The following PRKN variants were observed in gnomAD, a reference collection of about 807,000 sequenced individuals.
PRKN encodes the protein parkin RBR E3 ubiquitin protein ligase, also known as E3 ubiquitin-protein ligase parkin.
PRKN carries 56 observed loss-of-function variants against 59.5 expected under a neutral mutation model. The ratio of observed to expected loss-of-function variants is 0.94; its 90% CI spans 0.76 to 1.18. The LOEUF (loss-of-function observed/expected upper bound fraction) is 1.18, where lower values mean the gene tolerates loss of function less well. PRKN is among the 50% of genes most tolerant of loss of function. The pLI is 0.00. For missense variants in PRKN, 657 were observed against 596.4 expected, an observed-to-expected ratio of 1.10 and a Z score of -1.06; for synonymous variants, 250 against 222.1, an observed-to-expected ratio of 1.13 and a Z score of -1.12.
chr6:162,338,665 G>A (rs1398973301), intron 2 of PRKN, among the ~76,000 whole-genome samples: 2 of 152,152 alleles, frequency 1.3e-5, no homozygotes, highest in East Asian at 2.0e-4. Flanking sequence ...GCCTCTGCCC[G>A]GCCGCCACCC....
intron 1 of PRKN, among the ~76,000 whole-genome samples, chr6:162,707,994 C>T (rs1778397292): frequency 1.3e-5 from 2 of 152,228 alleles, no homozygotes; most frequent in African/African-American, 4.8e-5. Context: ...GGATTACAGG[C>T]ATGAATCTGC....
At chr6:161,479,430 T>C (rs1185405325) in intron 9 of PRKN, among the ~76,000 whole-genome samples, 4 of 152,236 alleles carry the variant, frequency 2.6e-5, no homozygotes, top group Non-Finnish European at 5.9e-5. Flanking sequence ...CTTTTTCATT[T>C]TGCTTGAATG....
At chr6:162,005,839 G>A (rs1276294718) in intron 5 of PRKN, among the ~76,000 whole-genome samples, 1 of 152,088 alleles carries the variant, frequency 6.6e-6, no homozygotes, top group East Asian at 1.9e-4. Flanking sequence ...ATGGGAAGGA[G>A]AAAGGTTGTG....
chr6:161,977,549 T>G (rs76182997), intron 5 of PRKN, among the ~76,000 whole-genome samples: 1,166 of 110,338 alleles, frequency 0.011, 27 homozygotes, highest in African/African-American at 0.025. Context: ...TTGGTTTTTT[T>G]TTTTTTTTTT....
intron 6 of PRKN, among the ~76,000 whole-genome samples, chr6:161,868,587 AAAACAAAAC>A (rs56675844): frequency 0.022 from 3,371 of 152,210 alleles, 130 homozygotes; most frequent in African/African-American, 0.076. Context: ...TCTCTAAAAC[AAAACAAAAC>A]AAACAAAAGG....
chr6:161,680,048 C>A (rs1372348702), intron 7 of PRKN, among the ~76,000 whole-genome samples: 1 of 152,076 alleles, frequency 6.6e-6, no homozygotes, highest in Non-Finnish European at 1.5e-5. Flanking sequence ...GCCACCGTGC[C>A]CTGGCCAGAG....
chr6:162,200,188 C>G (rs529442247), intron 4 of PRKN, among the ~76,000 whole-genome samples: 154 of 152,264 alleles, frequency 1.0e-3, no homozygotes, highest in African/African-American at 3.5e-3. Flanking sequence ...TCCTTGACAC[C>G]CCCGTGTCTG....
intron 4 of PRKN, among the ~76,000 whole-genome samples, chr6:162,132,825 G>C (rs542424419): frequency 5.3e-5 from 8 of 152,188 alleles, no homozygotes; most frequent in Non-Finnish European, 1.0e-4. Context: ...TAAGAGGGTG[G>C]GCAGAGAAAC....
intron 1 of PRKN, among the ~76,000 whole-genome samples, chr6:162,497,158 T>C (rs1793104586): frequency 6.6e-6 from 1 of 152,204 alleles, no homozygotes; most frequent in South Asian, 2.1e-4. Context: ...CTTTATAGGG[T>C]GTGGCATAAC....
At chr6:161,977,553 T>G (rs76739649) in intron 5 of PRKN, among the ~76,000 whole-genome samples, 75 of 146,610 alleles carry the variant, frequency 5.1e-4, no homozygotes, top group Middle Eastern at 3.5e-3. Context: ...TTTTTTTTTT[T>G]TTTTTTTTTT....
chr6:162,068,774 T>C (rs1008529674), intron 4 of PRKN, among the ~76,000 whole-genome samples: 1 of 151,702 alleles, frequency 6.6e-6, no homozygotes, highest in African/African-American at 2.4e-5. Context: ...TTTTGCTGTA[T>C]TTTCTTGGTT....
rs1204466801 is a variant in PRKN, at chr6:161,655,896, A to G, written c.872-86480T>C. On this transcript the variant is annotated intron_variant, in intron 7 of 11. Coordinates refer to ENST00000366898, the MANE Select transcript of PRKN (RefSeq NM_004562.3). Reference sequence around the variant, plus strand: ...CACACACACACACATACACACACACACACACACACACACACACACACGGTC... The same window carrying G: ...CACACACACACACATACACACACACGCACACACACACACACACACACGGTC... Among the ~76,000 whole-genome samples the G allele has an allele frequency of 2.9e-4, 18 of 62,948 alleles. No homozygotes were observed. The South Asian group carries it at 6.1e-3, about 21-fold the overall frequency. The allele number at this position is 62,948 out of a possible 152,430, so 41.3% of individuals were successfully genotyped here.
In PRKN at chr6:162,727,716, G is replaced by T. The variant is rs1346951062; in HGVS notation, c.-48C>A. On this transcript the variant is annotated 5_prime_UTR_variant, in exon 1 of 12. Transcript: ENST00000366898. ...GCGGGCCAGGAACAGGCCCATGCGC[G>T]CAGCGGCGCCAGCCGCGCCTCCCAC... 8 of 1,550,970 alleles carry T rather than the reference G, an allele frequency of 5.2e-6. No homozygotes were observed. Among genetic ancestry groups the T allele is most frequent in the Admixed American group, 1.9e-5 (1 of 51,608 alleles).
chr6:161,597,566 C>T (rs1781959847), intron 7 of PRKN, among the ~76,000 whole-genome samples: 1 of 152,212 alleles, frequency 6.6e-6, no homozygotes, highest in Non-Finnish European at 1.5e-5. Context: ...GATTCTTCCA[C>T]ATTCCCGGAC....
chr6:162,660,871 T>C (rs1034125802), intron 1 of PRKN, among the ~76,000 whole-genome samples: 6 of 152,186 alleles, frequency 3.9e-5, no homozygotes, highest in African/African-American at 1.4e-4. Context: ...TTCAAGTTCC[T>C]GGGCTGGGTA....
rs1172816593 is a variant in PRKN at position 162,431,130 on chromosome 6, TAG to T, written c.171+12178_171+12179del. Among the ~76,000 whole-genome samples, 3 of 151,860 alleles carry T rather than the reference TAG, an allele frequency of 2.0e-5. No individual in the cohort carries two copies. The East Asian group carries it at 5.8e-4, about 29-fold the overall frequency. ...AGTGACAATCAGAGCTTTGTATTTATAGAGAGTCAGTTTACCTGCTTATCACT... is the reference window on the plus strand; with the variant it reads ...AGTGACAATCAGAGCTTTGTATTTATAGAGTCAGTTTACCTGCTTATCACT... On this transcript the variant is annotated intron_variant, in intron 2 of 11. Coordinates refer to ENST00000366898, the MANE Select transcript of PRKN (RefSeq NM_004562.3).
intron 7 of PRKN, among the ~76,000 whole-genome samples, chr6:161,672,505 G>C (rs1266697337): frequency 6.6e-6 from 1 of 152,196 alleles, no homozygotes; most frequent in Non-Finnish European, 1.5e-5. Flanking sequence ...GCTGGGTGCA[G>C]TGGCTCATGT....
chr6:161,362,231 GA>G lies in PRKN; in HGVS notation c.1168-2027del, dbSNP rs1785004040. Reference sequence around the variant, plus strand: ...ACCTAAAAATGCTGGATCAAATATGGAAAAAAATCTTTTTTAAACGTACGGC... The same window carrying G: ...ACCTAAAAATGCTGGATCAAATATGGAAAAAATCTTTTTTAAACGTACGGC... On this transcript the variant is annotated intron_variant, in intron 10 of 11. Coordinates refer to ENST00000366898, the MANE Select transcript of PRKN (RefSeq NM_004562.3). This position sits in a 1 kb window ranked among gnomAD's most constrained non-coding sequence, Gnocchi z 5.2. Among the ~76,000 whole-genome samples the G allele has an allele frequency of 6.6e-6, 1 of 152,142 alleles. No homozygotes were observed. Among genetic ancestry groups the G allele is most frequent in the African/African-American group, 2.4e-5 (1 of 41,440 alleles).
At chr6:162,115,116 C>G (rs1307843331) in intron 4 of PRKN, among the ~76,000 whole-genome samples, 1 of 151,982 alleles carries the variant, frequency 6.6e-6, no homozygotes. Flanking sequence ...CAATGATAGA[C>G]TGGATTAAGG....
Sources: gnomAD v4.1 joint callset for allele counts (sites outside exome capture counted in the v4.1 genomes callset) on GRCh38, gnomAD v4.1.1 for gene constraint, Gnocchi (gnomAD v3.1) non-coding constraint, MANE v1.5 for transcripts, NCBI Gene and HGNC (gene_info 2026-07-23, HGNC 2026-07-21) for gene names.